Variants in SIK3 observed in about 807,000 individuals in gnomAD.
SIK3 encodes the protein SIK family kinase 3.
A neutral mutation model predicts 144.2 loss-of-function variants in SIK3; 28 were observed. The ratio of observed to expected loss-of-function variants is 0.19; its 90% CI spans 0.14 to 0.27. The LOEUF (loss-of-function observed/expected upper bound fraction) is 0.27, where lower values mean the gene tolerates loss of function less well. Ranked by LOEUF, SIK3 falls within the 10% of genes least tolerant of loss-of-function variation. The pLI is 1.00. For missense variants in SIK3, 1,319 were observed against 1,776.0 expected (o/e 0.74, Z 4.62); for synonymous variants, 686 against 676.3 (o/e 1.01, Z -0.22).
At chr11:117,097,176 T>C (rs770149871) in intron 1 of SIK3, among the ~76,000 whole-genome samples, 17 of 152,118 alleles carry the variant, frequency 1.1e-4, no homozygotes, top group Non-Finnish European at 2.2e-4. Flanking sequence ...CATACATATA[T>C]AGCTTCCTAA....
chr11:116,897,990 ATACTT>A (rs1945508351), intron 4 of SIK3, among the ~76,000 whole-genome samples: 1 of 151,368 alleles, frequency 6.6e-6, no homozygotes, highest in African/African-American at 2.4e-5. Flanking sequence ...TTTTTTTATT[ATACTT>A]TAAGTTTTAG....
chr11:116,983,125 G>A (rs1366855816), intron 1 of SIK3, among the ~76,000 whole-genome samples: 2 of 150,778 alleles, frequency 1.3e-5, no homozygotes, highest in Non-Finnish European at 3.0e-5. Context: ...TACTCGGGAG[G>A]CTGAGGCAGG....
Position 116,844,657 on chromosome 11 carries a change from A to ACAC in SIK3, c.*985_*986insGTG, listed in dbSNP as rs1565345914. ...ATATTATATTATATATTATATATAT[A>ACAC]ATATATATATACACATATATTATAT... On this transcript the variant is annotated 3_prime_UTR_variant, in exon 25 of 25. Coordinates refer to ENST00000445177, the MANE Select transcript of SIK3 (RefSeq NM_001366686.3). The ACAC allele has an allele frequency of 2.9e-5, 3 of 103,568 alleles. No individual in the cohort carries two copies. The highest frequency in any genetic ancestry group is 1.4e-4 in the African/African-American group (3 of 21,980). 6.4% of individuals were successfully genotyped at this position (103,568 alleles called of 1,614,324 possible).
chr11:116,875,138 G>A lies in SIK3; in HGVS notation c.1427+20C>T, dbSNP rs1241060557. The A allele has an allele frequency of 6.3e-7, 1 of 1,593,754 alleles. No individual in the cohort carries two copies. The highest frequency in any genetic ancestry group is 1.1e-5 in the South Asian group (1 of 90,416). On this transcript the variant is annotated intron_variant, in intron 11 of 24. Coordinates refer to ENST00000445177, the MANE Select transcript of SIK3 (RefSeq NM_001366686.3). ...ATTCTTTGCCCCAGTGTTAGTGAGG[G>A]CTGTTGGCCGGATACTCACCGTGGG...
intron 4 of SIK3, among the ~76,000 whole-genome samples, chr11:116,907,577 C>T (rs79326407): frequency 0.018 from 2,790 of 152,232 alleles, 35 homozygotes; most frequent in Non-Finnish European, 0.029. Context: ...ACCCAGGAGG[C>T]GGAGGGTTGC....
intron 1 of SIK3, among the ~76,000 whole-genome samples, chr11:117,079,498 C>T (rs1029720515): frequency 6.6e-6 from 1 of 152,098 alleles, no homozygotes; most frequent in Non-Finnish European, 1.5e-5. Context: ...CAAAACAACA[C>T]AATACATTGC....
At chr11:116,873,688 G>A in intron 12 of SIK3, 52 bp from the exon 13 acceptor site, 3 of 1,517,022 alleles carry the variant, frequency 2.0e-6, no homozygotes, top group Non-Finnish European at 2.6e-6. Flanking sequence ...GGAAGGCGGG[G>A]AGAAAGGGGC....
intron 6 of SIK3, among the ~76,000 whole-genome samples, chr11:116,884,646 T>A (rs1323626428): frequency 1.3e-5 from 2 of 151,934 alleles, no homozygotes; most frequent in East Asian, 3.9e-4. Flanking sequence ...TTTTTTTTAT[T>A]TTTATTTTTT....
At chr11:117,013,972 C>CTTTCTTTTTTTTTTTTTTTT (rs1951409125) in intron 1 of SIK3, among the ~76,000 whole-genome samples, 1 of 27,044 alleles carries the variant, frequency 3.7e-5, no homozygotes, top group Non-Finnish European at 7.4e-5. Context: ...TTTTTCTTTT[C>CTTTCTTTTTTTTTTTTTTTT]TTTTTTTTTT....
intron 1 of SIK3, among the ~76,000 whole-genome samples, chr11:117,089,827 G>C (rs962049354): frequency 6.6e-6 from 1 of 152,162 alleles, no homozygotes; most frequent in Non-Finnish European, 1.5e-5. Context: ...CAATGAGTCT[G>C]CTTCTCTTTC....
At chr11:116,908,294 C>A (rs1189537187) in intron 4 of SIK3, among the ~76,000 whole-genome samples, 1 of 152,072 alleles carries the variant, frequency 6.6e-6, no homozygotes, top group Non-Finnish European at 1.5e-5. Flanking sequence ...TGGGCAAATA[C>A]AGGGAGACCT....
intron 1 of SIK3, among the ~76,000 whole-genome samples, chr11:117,016,383 A>AGGGAGG (rs1555128195): frequency 6.6e-4 from 27 of 40,976 alleles, no homozygotes; most frequent in East Asian, 1.3e-3. Context: ...AGGGAGGGAG[A>AGGGAGG]GAGGGAGGGA....
intron 1 of SIK3, among the ~76,000 whole-genome samples, chr11:116,959,147 T>C (rs1454495724): frequency 6.6e-6 from 1 of 152,036 alleles, no homozygotes; most frequent in African/African-American, 2.4e-5. Context: ...ATGGGCAATA[T>C]GGTGAAACCC....
At chr11:116,914,096 G>C (rs1280996477) in intron 4 of SIK3, among the ~76,000 whole-genome samples, 1 of 149,706 alleles carries the variant, frequency 6.7e-6, no homozygotes, top group East Asian at 1.9e-4. Flanking sequence ...AAGCTAATAG[G>C]AAACAAACAA....
intron 4 of SIK3, among the ~76,000 whole-genome samples, chr11:116,897,910 C>T (rs931693804): frequency 6.6e-6 from 1 of 151,890 alleles, no homozygotes; most frequent in African/African-American, 2.4e-5. Context: ...GCAAATGAAA[C>T]TGGATGATGT....
intron 6 of SIK3, among the ~76,000 whole-genome samples, chr11:116,883,882 C>T (rs1442259080): frequency 6.6e-6 from 1 of 151,624 alleles, no homozygotes; most frequent in Non-Finnish European, 1.5e-5. Context: ...TGCAGTGAGC[C>T]GAGATTGTGC....
At chr11:117,016,806 G>A (rs1951561900) in intron 1 of SIK3, among the ~76,000 whole-genome samples, 1 of 152,164 alleles carries the variant, frequency 6.6e-6, no homozygotes, top group East Asian at 1.9e-4. Flanking sequence ...AAAGCTGGGA[G>A]GGTGAGGAAA....
intron 4 of SIK3, among the ~76,000 whole-genome samples, chr11:116,907,493 A>ATAT (rs1946104281): frequency 6.6e-6 from 1 of 152,214 alleles, no homozygotes; most frequent in African/African-American, 2.4e-5. Context: ...CTAAAAATAA[A>ATAT]AAATTAGCCA....
In SIK3 at chr11:116,921,351, T is replaced by C. The variant is rs563341441; in HGVS notation, c.616+5868A>G. On this transcript the variant is annotated intron_variant, in intron 4 of 24. Transcript: ENST00000445177. ...TTTGGTGTTACCAACTTTTCAAAGA[T>C]CTAATGTTTGCTGCCCATATAGCCT... is the stretch of plus-strand genomic sequence containing the variant. 4.4e-4 allele frequency among the ~76,000 whole-genome samples: 67 copies of C among 152,338 alleles called. 1 individual carries two copies. In the Middle Eastern group the frequency reaches 0.014, roughly 31 times the overall value.
Sources: allele counts gnomAD v4.1 joint callset (sites outside exome capture counted in the v4.1 genomes callset), GRCh38; gene constraint gnomAD v4.1.1; transcripts MANE v1.5; gene names NCBI Gene and HGNC (gene_info 2026-07-23, HGNC 2026-07-21).